The following ATG9B variants were observed in gnomAD, a reference collection of about 807,000 sequenced individuals.
ATG9B encodes the protein autophagy related 9B.
A neutral mutation model predicts 92.9 loss-of-function variants in ATG9B; 92 were observed. That is an observed-to-expected ratio of 0.99 (90% CI 0.84 to 1.18). The LOEUF (loss-of-function observed/expected upper bound fraction) is 1.18, where lower values mean the gene tolerates loss of function less well. ATG9B is among the 50% of genes most tolerant of loss of function. ATG9B has a pLI of 0.00. For synonymous variants in ATG9B, 599 were observed against 551.4 expected (o/e 1.09, Z -1.21); for missense variants, 1,344 against 1,235.0 (o/e 1.09, Z -1.32).
chr7:151,019,494 C>CA, intron 5 of ATG9B, 120 bp from the exon 6 acceptor site: 2 of 1,325,140 alleles, frequency 1.5e-6, no homozygotes, highest in Non-Finnish European at 2.0e-6. Flanking sequence ...ATCACAAACT[C>CA]GCCATGACCA....
At chr7:151,022,199 A>G (rs1279721180) in intron 4 of ATG9B, among the ~76,000 whole-genome samples, 1 of 148,498 alleles carries the variant, frequency 6.7e-6, no homozygotes, top group East Asian at 1.9e-4. Context: ...GTCTGCTGGG[A>G]GGGAGGAGGG....
At chr7:151,014,197 C>T, downstream of ATG9B, 10 of 1,578,868 alleles carry the variant, frequency 6.3e-6, no homozygotes, top group Non-Finnish European at 8.6e-6. Context: ...CTTCCAGTTC[C>T]GGGAGAGCGG....
In ATG9B at chr7:151,018,694, G is replaced by A. The variant is rs746567671; in HGVS notation, c.1644C>T (p.Tyr548=). ...GCTCCACGGCTAGCACGTCCTCGTC[G>A]TAGACGGTGAGCACAAGCAGCGCGG... is the stretch of plus-strand genomic sequence containing the variant. ...LFAALLVLTV[Y]DEDVLAVEHV... is the part of the protein sequence containing the mutation. The change falls in exon 6 of 14, where the codon TAC becomes TAT. Residue 548 remains tyrosine (Y), a synonymous_variant. Coordinates refer to ENST00000639579, the MANE Select transcript of ATG9B (RefSeq NM_001317056.2). The surrounding 1 kb of genome is among the most constrained non-coding windows in gnomAD (Gnocchi z 4.7). 8.7e-6 allele frequency: 14 copies of A among 1,603,952 alleles called. No homozygotes were observed. Among genetic ancestry groups the A allele is most frequent in the Non-Finnish European group, 1.2e-5 (14 of 1,177,652 alleles).
chr7:151,019,378 A>T lies in ATG9B; in HGVS notation c.964-4T>A, dbSNP rs780197061. 5 of 1,514,628 alleles carry T rather than the reference A, an allele frequency of 3.3e-6. No homozygotes were observed. The East Asian group carries it at 1.1e-4, about 35-fold the overall frequency. The allele number at this position is 1,514,628 out of a possible 1,614,324, so 93.8% of individuals were successfully genotyped here. On this transcript the variant is annotated splice_polypyrimidine_tract_variant and splice_region_variant and intron_variant, in intron 5 of 13. Transcript: ENST00000639579. ...AGGGAACCGAGCTCAGCTCCTCCTG[A>T]AAGGGGCACTGATGAGAGCCAGCGA... is the stretch of plus-strand genomic sequence containing the variant.
downstream of ATG9B, chr7:151,013,352 C>T (rs374904296): frequency 6.4e-5 from 103 of 1,613,586 alleles, no homozygotes; most frequent in Non-Finnish European, 8.5e-5. Flanking sequence ...TCCTCACCGC[C>T]TTCTCCCGGG....
At chr7:151,013,608 G>C, downstream of ATG9B, 1 of 800,538 alleles carries the variant, frequency 1.2e-6, no homozygotes, top group East Asian at 6.0e-5. Flanking sequence ...CCCAGGGCAC[G>C]CAGGCCCCAC....
At position 151,016,695 on chromosome 7, in the gene ATG9B, C is replaced by T; in HGVS notation, c.2416G>A (p.Asp806Asn). Residue 806 changes from aspartate (D) to asparagine (N), a missense_variant, in exon 10 of 14, where the codon GAC becomes AAC. Physicochemically the swap from Asp to Asn is conservative, Grantham distance 23. Coordinates refer to ENST00000639579, the MANE Select transcript of ATG9B (RefSeq NM_001317056.2). ...LLASISRIAQ[D>N]PSSVSPGGTG... Reference sequence around the variant, plus strand: ...TCAGCCTCCACTCCTCACCTGGGGTCCTGGGCAATTCGGGAAATGGAGGCA... The same window carrying T: ...TCAGCCTCCACTCCTCACCTGGGGTTCTGGGCAATTCGGGAAATGGAGGCA... The T allele has an allele frequency of 6.3e-7, 1 of 1,592,424 alleles. No individual in the cohort carries two copies. The highest frequency in any genetic ancestry group is 1.3e-5 in the African/African-American group (1 of 74,390).
chr7:151,024,134 G>A lies in ATG9B; in HGVS notation c.290C>T (p.Pro97Leu), dbSNP rs758847158. 4.4e-6 allele frequency: 7 copies of A among 1,589,264 alleles called. No homozygotes were observed. Among genetic ancestry groups the A allele is most frequent in the Admixed American group, 1.7e-5 (1 of 58,620 alleles). The change falls in exon 1 of 14, where the codon CCC becomes CTC. Residue 97 changes from proline to leucine, a missense_variant. By Grantham distance (98) the Pro-to-Leu change is moderately conservative (BLOSUM62 -3). Coordinates refer to ENST00000639579, the MANE Select transcript of ATG9B (RefSeq NM_001317056.2). ...CATTGCAGGTTGAGCCTGTGTTGGGGGGGTGGCTGGGATAGGGAGAGCACT... is the reference window on the plus strand; with the variant it reads ...CATTGCAGGTTGAGCCTGTGTTGGGAGGGTGGCTGGGATAGGGAGAGCACT... ...CHSALPIPAT[P>L]PTQAQPAMTP... is the part of the protein sequence containing the mutation.
downstream of ATG9B, chr7:151,013,998 T>C: frequency 6.2e-7 from 1 of 1,611,682 alleles, no homozygotes; most frequent in Non-Finnish European, 8.5e-7. Context: ...ACTGTGCTCT[T>C]TTCCGACAGG....
At chr7:151,019,403 A>AC (rs746652658) in intron 5 of ATG9B, 29 bp from the exon 6 acceptor site, 61 of 1,488,490 alleles carry the variant, frequency 4.1e-5, no homozygotes, top group Non-Finnish European at 4.9e-5. Context: ...AGAGCCAGCG[A>AC]CCCCCCATTC....
chr7:151,013,768 G>A (rs149499473), downstream of ATG9B: 247 of 1,611,324 alleles, frequency 1.5e-4, no homozygotes, highest in Non-Finnish European at 2.0e-4. Flanking sequence ...CTGCGGAGGT[G>A]CACCGCGTGC....
Position 151,018,693 on chromosome 7 carries a change from C to T in ATG9B, c.1645G>A (p.Asp549Asn). ...TGCTCCACGGCTAGCACGTCCTCGTCGTAGACGGTGAGCACAAGCAGCGCG... is the reference window on the plus strand; with the variant it reads ...TGCTCCACGGCTAGCACGTCCTCGTTGTAGACGGTGAGCACAAGCAGCGCG... ...FAALLVLTVY[D>N]EDVLAVEHVL... The change falls in exon 6 of 14, where the codon GAC (aspartate) becomes AAC (asparagine). Residue 549 changes from aspartate (D) to asparagine (N), a missense_variant. Transcript: ENST00000639579. This position sits in a 1 kb window ranked among gnomAD's most constrained non-coding sequence, Gnocchi z 4.7. 1 of 1,604,030 alleles carries T rather than the reference C, an allele frequency of 6.2e-7. No individual in the cohort carries two copies. Among genetic ancestry groups the T allele is most frequent in the Non-Finnish European group, 8.5e-7 (1 of 1,177,542 alleles).
In ATG9B at chr7:151,017,029, G is replaced by T. The variant is rs758430016; in HGVS notation, c.2289+7C>A. 5 of 1,579,436 alleles carry T rather than the reference G, an allele frequency of 3.2e-6. No individual in the cohort carries two copies. Among genetic ancestry groups the T allele is most frequent in the Non-Finnish European group, 4.3e-6 (5 of 1,162,804 alleles). ...AGGCAGAAGGGGAGGCCAGGCTTGG[G>T]ACTCACCAGGGGCGAGGTGCAGTTG... On this transcript the variant is annotated splice_region_variant and intron_variant, in intron 9 of 13. Transcript: ENST00000639579.
downstream of ATG9B, chr7:151,014,972 G>T (rs1795421432): frequency 6.6e-6 from 1 of 152,206 alleles, no homozygotes; most frequent in African/African-American, 2.4e-5. Context: ...ATGTGGTGGG[G>T]AAAGGGGTCA....
chr7:151,018,052 T>C lies in ATG9B; in HGVS notation c.1873-2A>G, dbSNP rs893134629. On this transcript the variant is annotated splice_acceptor_variant, in intron 7 of 13. Coordinates refer to ENST00000639579, the MANE Select transcript of ATG9B (RefSeq NM_001317056.2). LOFTEE classifies it high-confidence loss of function. This position sits in a 1 kb window ranked among gnomAD's most constrained non-coding sequence, Gnocchi z 4.7. ...CAGGAGCTCCTCCAGGAGGGAGACC[T>C]GGGGAAGCAGCGGTGAGGCTGAGCA... The C allele has an allele frequency of 4.4e-6, 7 of 1,576,830 alleles. No individual in the cohort carries two copies. Among genetic ancestry groups the C allele is most frequent in the Non-Finnish European group, 6.0e-6 (7 of 1,160,594 alleles).
Position 151,018,001 on chromosome 7 carries a change from A to G in ATG9B, c.1922T>C (p.Leu641Pro). The G allele has an allele frequency of 1.2e-6, 2 of 1,603,878 alleles. No individual in the cohort carries two copies. The highest frequency in any genetic ancestry group is 1.7e-6 in the Non-Finnish European group (2 of 1,174,918). ...GGCACGAGGGCGGAACCAGAAAAGC[A>G]GAAACAGCGGGGTGAGGAGCGGGGA... is the stretch of plus-strand genomic sequence containing the variant. The part of the protein sequence containing the change: ...LLSPLLTPLF[L>P]LFWFRPRALE... Residue 641 changes from leucine to proline, a missense_variant, in exon 8 of 14, where the codon CTG becomes CCG. Coordinates refer to ENST00000639579, the MANE Select transcript of ATG9B (RefSeq NM_001317056.2). This position sits in a 1 kb window ranked among gnomAD's most constrained non-coding sequence, Gnocchi z 4.7.
intron 5 of ATG9B, 131 bp downstream of exon 5, chr7:151,021,057 G>C: frequency 9.4e-7 from 1 of 1,067,544 alleles, no homozygotes; most frequent in East Asian, 2.4e-5. Flanking sequence ...CCTAGGGCAG[G>C]TGTCAATAAG....
chr7:151,016,477 T>C lies in ATG9B; in HGVS notation c.2474A>G (p.Glu825Gly). 3 of 1,551,356 alleles carry C rather than the reference T, an allele frequency of 1.9e-6. No homozygotes were observed. The highest frequency in any genetic ancestry group is 2.6e-6 in the Non-Finnish European group (3 of 1,146,950). The change falls in exon 11 of 14, where the codon GAA becomes GGA. Residue 825 changes from glutamate (E) to glycine (G), a missense_variant. Glu to Gly is a moderately conservative substitution (Grantham distance 98). Coordinates refer to ENST00000639579, the MANE Select transcript of ATG9B (RefSeq NM_001317056.2). ...TGGQKLAQLP[E>G]LASAEMSLHV... ...GAGACTCATCTCGGCAGAAGCAAGTTCTGGGAGCTGGGCCAGCTTCTGGCC... is the reference window on the plus strand; with the variant it reads ...GAGACTCATCTCGGCAGAAGCAAGTCCTGGGAGCTGGGCCAGCTTCTGGCC...
In ATG9B at chr7:151,016,522, A is replaced by G. The variant is rs3918221; in HGVS notation, c.2429T>C (p.Val810Ala). 6.3e-5 allele frequency: 97 copies of G among 1,550,776 alleles called. No individual in the cohort carries two copies. In the African/African-American group the frequency reaches 1.2e-3, roughly 19 times the overall value. The change falls in exon 11 of 14, where the codon GTG (valine) becomes GCG (alanine). Residue 810 changes from valine (V) to alanine (A), a missense_variant. By Grantham distance (64) the Val-to-Ala change is moderately conservative. Transcript: ENST00000639579. The part of the protein sequence containing the change: ...ISRIAQDPSS[V>A]SPGGTGGQKL... ...CTGGCCCCCAGTGCCTCCTGGGGAC[A>G]CAGAGCTGGAACATAACATGAAGCA... is the stretch of plus-strand genomic sequence containing the variant.
Sources: gnomAD v4.1 joint callset for allele counts (sites outside exome capture counted in the v4.1 genomes callset) on GRCh38, gnomAD v4.1.1 for gene constraint, Gnocchi (gnomAD v3.1) non-coding constraint, MANE v1.5 for transcripts, NCBI Gene and HGNC (gene_info 2026-07-23, HGNC 2026-07-21) for gene names.